The following ABTB2 variants were observed in gnomAD, a reference collection of about 807,000 sequenced individuals.
The protein encoded by ABTB2 is ankyrin repeat and BTB domain containing 2, also known as ankyrin repeat and BTB/POZ domain-containing protein 2.
Under a neutral mutation model 104.1 loss-of-function variants are expected in ABTB2, and 56 were observed. The observed-to-expected ratio is 0.54, with a 90% CI of 0.43 to 0.67. ABTB2 has a LOEUF of 0.67. ABTB2 is among the 30% of genes least tolerant of loss of function. The pLI is 0.00. For synonymous variants in ABTB2, 606 were observed against 608.2 expected (o/e 1.00, Z 0.05); for missense variants, 1,279 against 1,407.7 (o/e 0.91, Z 1.46).
At chr11:34,157,963 A>C (rs1419239221) in intron 14 of ABTB2, among the ~76,000 whole-genome samples, 2 of 152,194 alleles carry the variant, frequency 1.3e-5, no homozygotes, top group African/African-American at 4.8e-5. Context: ...TGAGCAAGTT[A>C]CTCAACCTCT....
At chr11:34,269,431 A>AG (rs933105797) in intron 1 of ABTB2, among the ~76,000 whole-genome samples, 1 of 152,222 alleles carries the variant, frequency 6.6e-6, no homozygotes, top group African/African-American at 2.4e-5. Flanking sequence ...ACAAAGGAAA[A>AG]GAAGGGAGGG....
intron 2 of ABTB2, among the ~76,000 whole-genome samples, chr11:34,199,518 T>C (rs897438984): frequency 6.6e-6 from 1 of 152,196 alleles, no homozygotes; most frequent in Non-Finnish European, 1.5e-5. Context: ...GATTCTAATG[T>C]CCACTCAGGT....
In ABTB2 at chr11:34,356,928, A is replaced by C; in HGVS notation, c.656T>G (p.Ile219Ser). 1 of 1,601,928 alleles carries C rather than the reference A, an allele frequency of 6.2e-7. No homozygotes were observed. Among genetic ancestry groups the C allele is most frequent in the Non-Finnish European group, 8.5e-7 (1 of 1,174,624 alleles). Reference protein sequence around the residue: ...RFFRWMVDTRISVRIHEYAAI... With the variant: ...RFFRWMVDTRSSVRIHEYAAI... ...TGCGTACTCGTGGATGCGCACGGAG[A>C]TTCGGGTGTCCACCATCCAGCGGAA... Residue 219 changes from isoleucine to serine, a missense_variant, in exon 1 of 17, where the codon ATC becomes AGC. Ile to Ser is a moderately radical substitution (Grantham distance 142, BLOSUM62 -2). Transcript: ENST00000435224. This position sits in a 1 kb window ranked among gnomAD's most constrained non-coding sequence, Gnocchi z 4.6.
intron 2 of ABTB2, among the ~76,000 whole-genome samples, chr11:34,200,180 AAGG>A (rs1853318758): frequency 6.6e-6 from 1 of 152,232 alleles, no homozygotes; most frequent in Non-Finnish European, 1.5e-5. Context: ...ACAGGACCAC[AAGG>A]AGGAGAAATC....
intron 1 of ABTB2, among the ~76,000 whole-genome samples, chr11:34,317,247 T>TTGCCCTCTGATTCCAC (rs1190324277): frequency 6.6e-6 from 1 of 152,250 alleles, no homozygotes; most frequent in Non-Finnish European, 1.5e-5. Context: ...TTAGGCAATC[T>TTGCCCTCTGATTCCAC]TGCCCTCTGA....
intron 1 of ABTB2, among the ~76,000 whole-genome samples, chr11:34,286,231 G>A (rs2133089923): frequency 6.6e-6 from 1 of 152,106 alleles, no homozygotes; most frequent in South Asian, 2.1e-4. Flanking sequence ...GCAGAGGCAG[G>A]AGGATCGTTT....
At chr11:34,221,988 T>TG (rs1441316934) in intron 1 of ABTB2, among the ~76,000 whole-genome samples, 1 of 152,138 alleles carries the variant, frequency 6.6e-6, no homozygotes, top group Non-Finnish European at 1.5e-5. Context: ...GAGGTTGCAG[T>TG]GAGTCGAGAT....
intron 1 of ABTB2, among the ~76,000 whole-genome samples, chr11:34,287,408 A>G (rs867616740): frequency 3.9e-5 from 6 of 152,120 alleles, no homozygotes; most frequent in Middle Eastern, 3.4e-3. Context: ...AAAATACAAA[A>G]ATTAATGATG....
At chr11:34,276,078 G>A (rs1481761727) in intron 1 of ABTB2, among the ~76,000 whole-genome samples, 1 of 152,148 alleles carries the variant, frequency 6.6e-6, no homozygotes, top group Non-Finnish European at 1.5e-5. Flanking sequence ...TTACCAGTGT[G>A]GGAGGGCTTT....
intron 1 of ABTB2, among the ~76,000 whole-genome samples, chr11:34,227,767 T>G (rs1853706745): frequency 6.6e-6 from 1 of 152,102 alleles, no homozygotes; most frequent in Non-Finnish European, 1.5e-5. Flanking sequence ...GGAGTTTTGC[T>G]TCTGTCACCC....
chr11:34,160,726 C>G (rs1590202250), intron 11 of ABTB2, among the ~76,000 whole-genome samples, 177 bp downstream of exon 11: 1 of 9,194 alleles, frequency 1.1e-4, no homozygotes, highest in Non-Finnish European at 2.3e-4. Context: ...TGGGGGCGGG[C>G]GTGTGTGTGT....
intron 1 of ABTB2, among the ~76,000 whole-genome samples, chr11:34,290,311 A>G (rs2611128): frequency 0.38 from 58,448 of 152,020 alleles, 11,731 homozygotes; most frequent in African/African-American, 0.51. Context: ...CATTGTGGCC[A>G]CGGAGCAGAG....
chr11:34,249,501 A>C (rs1854028835), intron 1 of ABTB2, among the ~76,000 whole-genome samples: 1 of 152,162 alleles, frequency 6.6e-6, no homozygotes, highest in African/African-American at 2.4e-5. Flanking sequence ...CTCTAGTACA[A>C]TAGGGCCTAG....
At chr11:34,170,808 C>T in intron 5 of ABTB2, 98 bp downstream of exon 5, 2 of 1,460,592 alleles carry the variant, frequency 1.4e-6, no homozygotes, top group Non-Finnish European at 1.9e-6. Flanking sequence ...CAGAGCTGAG[C>T]AAATCTCAGG....
intron 1 of ABTB2, among the ~76,000 whole-genome samples, chr11:34,352,937 T>C (rs1405461744): frequency 6.6e-6 from 1 of 152,192 alleles, no homozygotes; most frequent in Non-Finnish European, 1.5e-5. Flanking sequence ...GGCATATGCC[T>C]GCAGTCCCAG....
intron 1 of ABTB2, among the ~76,000 whole-genome samples, chr11:34,346,371 A>T (rs1228199318): frequency 3.9e-5 from 6 of 152,108 alleles, no homozygotes. Context: ...GCTGGATCTC[A>T]CCACAGTGCC....
chr11:34,227,542 A>G (rs1356969132), intron 1 of ABTB2, among the ~76,000 whole-genome samples: 1 of 152,214 alleles, frequency 6.6e-6, no homozygotes, highest in African/African-American at 2.4e-5. Context: ...ATGATATTCC[A>G]TTGCATGGAT....
chr11:34,300,050 A>G (rs1453089540), intron 1 of ABTB2, among the ~76,000 whole-genome samples: 2 of 152,098 alleles, frequency 1.3e-5, no homozygotes, highest in South Asian at 2.1e-4. Flanking sequence ...GGTGGGGGGA[A>G]GATGAGGGGT....
chr11:34,307,701 G>GTT (rs5790983), intron 1 of ABTB2, among the ~76,000 whole-genome samples: 9 of 140,570 alleles, frequency 6.4e-5, no homozygotes, highest in Non-Finnish European at 1.2e-4. Flanking sequence ...GTGACTCTCT[G>GTT]TTTTTTTTTT....
Sources: gnomAD v4.1 joint callset for allele counts (sites outside exome capture counted in the v4.1 genomes callset) on GRCh38, gnomAD v4.1.1 for gene constraint, Gnocchi (gnomAD v3.1) non-coding constraint, MANE v1.5 for transcripts, NCBI Gene and HGNC (gene_info 2026-07-23, HGNC 2026-07-21) for gene names.